The following RSPO3 variants were observed in gnomAD, a reference collection of about 807,000 sequenced individuals.
RSPO3 encodes R-spondin 3.
A neutral mutation model predicts 36.5 loss-of-function variants in RSPO3; 17 were observed. That is an observed-to-expected ratio of 0.47 (90% CI 0.32 to 0.70). RSPO3 has a LOEUF of 0.70. Ranked by LOEUF, RSPO3 falls within the 30% of genes least tolerant of loss-of-function variation. The probability of loss-of-function intolerance (pLI) is 0.04; values close to 1 mark genes in which losing one functional copy is unlikely to be tolerated. For synonymous variants in RSPO3, 108 were observed against 107.0 expected (o/e 1.01, Z -0.06); for missense variants, 294 against 322.5 (o/e 0.91, Z 0.68).
At chr6:127,160,469 C>T (rs180876980) in intron 4 of RSPO3, among the ~76,000 whole-genome samples, 50 of 152,290 alleles carry the variant, frequency 3.3e-4, no homozygotes, top group Admixed American at 2.0e-3. Flanking sequence ...ATTGAAGCAG[C>T]AGTGTACAGC....
rs1319673616 is a variant in RSPO3 at position 127,197,471 on chromosome 6, AG to A, written c.*1466del. The A allele has an allele frequency of 6.4e-7, 1 of 1,550,626 alleles. No individual in the cohort carries two copies. Among genetic ancestry groups the A allele is most frequent in the Admixed American group, 2.0e-5 (1 of 50,988 alleles). On this transcript the variant is annotated 3_prime_UTR_variant, in exon 5 of 5. Coordinates refer to ENST00000356698, the MANE Select transcript of RSPO3 (RefSeq NM_032784.5). ...TGAAGGCCTCACCAGTGTTTCACAG[AG>A]GACACAGCCCACCCCTTGCAGGAGG...
intron 4 of RSPO3, among the ~76,000 whole-genome samples, chr6:127,158,333 C>T (rs954541719): frequency 5.9e-5 from 9 of 152,134 alleles, no homozygotes; most frequent in Middle Eastern, 3.4e-3. Flanking sequence ...TAAGAAGATT[C>T]CTTTAGGTTC....
chr6:127,161,598 T>A (rs1489830977), intron 4 of RSPO3, among the ~76,000 whole-genome samples: 2 of 152,150 alleles, frequency 1.3e-5, no homozygotes, highest in African/African-American at 4.8e-5. Context: ...ATCCATGCAA[T>A]CCCTTCATTC....
At chr6:127,121,116 C>T (rs1473629449) in intron 1 of RSPO3, among the ~76,000 whole-genome samples, 1 of 152,204 alleles carries the variant, frequency 6.6e-6, no homozygotes, top group Non-Finnish European at 1.5e-5. Flanking sequence ...CCACCGAGGA[C>T]CCCCGGGCTG....
chr6:127,121,843 A>G (rs1773852196), intron 1 of RSPO3, among the ~76,000 whole-genome samples: 1 of 152,240 alleles, frequency 6.6e-6, no homozygotes, highest in Non-Finnish European at 1.5e-5. Flanking sequence ...CGTGTTTTCA[A>G]AAGAGGCTGG....
intron 1 of RSPO3, among the ~76,000 whole-genome samples, chr6:127,133,856 G>A (rs927365351): frequency 1.6e-4 from 25 of 152,126 alleles, no homozygotes; most frequent in African/African-American, 3.9e-4. Context: ...CCAAAATTAC[G>A]AAAATGAGCA....
intron 3 of RSPO3, among the ~76,000 whole-genome samples, chr6:127,151,383 T>C (rs1274651923): frequency 6.6e-6 from 1 of 152,002 alleles, no homozygotes; most frequent in Non-Finnish European, 1.5e-5. Context: ...ACAACTTTGA[T>C]GAACACTTGG....
intron 4 of RSPO3, among the ~76,000 whole-genome samples, chr6:127,175,765 T>C (rs908587073): frequency 5.3e-5 from 8 of 151,702 alleles, no homozygotes; most frequent in African/African-American, 1.9e-4. Flanking sequence ...AAGACTGGTC[T>C]CATCCTGAAA....
chr6:127,158,277 A>G (rs1774633059), intron 4 of RSPO3, among the ~76,000 whole-genome samples: 1 of 152,046 alleles, frequency 6.6e-6, no homozygotes, highest in Non-Finnish European at 1.5e-5. Context: ...CACACTTAGG[A>G]TAGCTATTAT....
At chr6:127,123,919 C>T (rs1296994718) in intron 1 of RSPO3, among the ~76,000 whole-genome samples, 1 of 152,032 alleles carries the variant, frequency 6.6e-6, no homozygotes. Context: ...ACCCTTGCTG[C>T]ATTGCTCCAA....
intron 1 of RSPO3, among the ~76,000 whole-genome samples, chr6:127,126,287 TTTA>T (rs1311616827): frequency 6.6e-6 from 1 of 151,964 alleles, no homozygotes; most frequent in Non-Finnish European, 1.5e-5. Flanking sequence ...AAAAATGATG[TTTA>T]TTATTATCAA....
chr6:127,127,801 C>G (rs780461858), intron 1 of RSPO3, among the ~76,000 whole-genome samples: 8 of 151,922 alleles, frequency 5.3e-5, no homozygotes, highest in Non-Finnish European at 1.2e-4. Flanking sequence ...CTCTTACTCT[C>G]TCTTCTTTCC....
intron 1 of RSPO3, among the ~76,000 whole-genome samples, chr6:127,145,991 G>C (rs1376101235): frequency 6.6e-6 from 1 of 151,996 alleles, no homozygotes. Flanking sequence ...GTGTAATACT[G>C]ACTGTGTAAT....
intron 1 of RSPO3, among the ~76,000 whole-genome samples, chr6:127,122,790 A>C (rs1173988726): frequency 6.6e-6 from 1 of 152,222 alleles, no homozygotes; most frequent in Admixed American, 6.5e-5. Flanking sequence ...AAAGAATTAA[A>C]TACCTAATAG....
chr6:127,165,536 T>G (rs1026144247), intron 4 of RSPO3, among the ~76,000 whole-genome samples: 1 of 152,040 alleles, frequency 6.6e-6, no homozygotes, highest in Non-Finnish European at 1.5e-5. Context: ...GGTCTTGAAA[T>G]GTATAAGACA....
intron 1 of RSPO3, among the ~76,000 whole-genome samples, chr6:127,140,889 G>A (rs901589938): frequency 1.3e-5 from 2 of 152,006 alleles, no homozygotes; most frequent in Non-Finnish European, 2.9e-5. Flanking sequence ...ACTCTTCCTG[G>A]GTTTACATAA....
At chr6:127,148,447 G>C (rs1264838925) in intron 1 of RSPO3, among the ~76,000 whole-genome samples, 1 of 151,190 alleles carries the variant, frequency 6.6e-6, no homozygotes, top group African/African-American at 2.4e-5. Flanking sequence ...TCAATTTTAA[G>C]AACTTTGAAA....
chr6:127,192,728 T>A, intron 4 of RSPO3: 1 of 966,198 alleles, frequency 1.0e-6, no homozygotes, highest in Non-Finnish European at 1.2e-6. Flanking sequence ...CGTGTACACA[T>A]GCACACAAAC....
intron 4 of RSPO3, among the ~76,000 whole-genome samples, chr6:127,169,588 T>G (rs922451687): frequency 1.7e-4 from 26 of 152,024 alleles, no homozygotes; most frequent in African/African-American, 5.8e-4. Context: ...AGATGCATAC[T>G]TCACCATTCT....
Sources: allele counts gnomAD v4.1 joint callset (sites outside exome capture counted in the v4.1 genomes callset), GRCh38; gene constraint gnomAD v4.1.1; transcripts MANE v1.5; gene names NCBI Gene and HGNC (gene_info 2026-07-23, HGNC 2026-07-21).